PRKAB2: variants seen among roughly 807,000 people sequenced by gnomAD.
The protein encoded by PRKAB2 is protein kinase AMP-activated non-catalytic subunit beta 2, also known as 5'-AMP-activated protein kinase subunit beta-2.
Under a neutral mutation model 29.8 loss-of-function variants are expected in PRKAB2, and 18 were observed. The ratio of observed to expected loss-of-function variants is 0.60; its 90% CI spans 0.42 to 0.89. The LOEUF is 0.89. Ranked by LOEUF, PRKAB2 falls within the 40% of genes least tolerant of loss-of-function variation. The probability of loss-of-function intolerance (pLI) is 0.00; values close to 1 mark genes in which losing one functional copy is unlikely to be tolerated. For synonymous variants in PRKAB2, 136 were observed against 125.9 expected, an observed-to-expected ratio of 1.08 and a Z score of -0.54; for missense variants, 270 against 344.3, an observed-to-expected ratio of 0.78 and a Z score of 1.71.
At chr1:147,169,176 TG>T (rs1359178954) in intron 2 of PRKAB2, among the ~76,000 whole-genome samples, 1 of 151,976 alleles carries the variant, frequency 6.6e-6, no homozygotes, top group Non-Finnish European at 1.5e-5. Context: ...AATTGAATAA[TG>T]TGGGTTTTTT....
In PRKAB2 at chr1:147,159,757, A is replaced by G. The variant is rs1454549047; in HGVS notation, c.742-115T>C. 12 of 895,700 alleles carry G rather than the reference A, an allele frequency of 1.3e-5. No homozygotes were observed. In the Admixed American group the frequency reaches 2.8e-4, roughly 21 times the overall value. The allele number at this position is 895,700 out of a possible 1,614,324, so 55.5% of individuals were successfully genotyped here. ...TTTAACAGAGATAGTTTGATATAAG[A>G]GCAGGAGGTCAAATAAGTTTTAGTT... On this transcript the variant is annotated intron_variant, in intron 7 of 7. Coordinates refer to ENST00000254101, the MANE Select transcript of PRKAB2 (RefSeq NM_005399.5).
chr1:147,170,682 C>A (rs1212032111), intron 2 of PRKAB2, among the ~76,000 whole-genome samples: 1 of 152,040 alleles, frequency 6.6e-6, no homozygotes, highest in Non-Finnish European at 1.5e-5. Flanking sequence ...CGGGTTCAAG[C>A]GATTCTCCTG....
At chr1:147,163,682 G>A (rs587649082) in intron 5 of PRKAB2, among the ~76,000 whole-genome samples, 16 of 152,270 alleles carry the variant, frequency 1.1e-4, no homozygotes, top group African/African-American at 3.4e-4. Context: ...TGCCAGGGAC[G>A]GAGGGGAGGA....
At chr1:147,171,103 C>T (rs1348539014) in intron 2 of PRKAB2, among the ~76,000 whole-genome samples, 1 of 152,244 alleles carries the variant, frequency 6.6e-6, no homozygotes, top group East Asian at 1.9e-4. Context: ...GTATTTCATG[C>T]TGACAGCTCT....
Position 147,155,131 on chromosome 1 carries a change from A to C in PRKAB2, c.*4434T>G, listed in dbSNP as rs1383490849. On this transcript the variant is annotated 3_prime_UTR_variant, in exon 8 of 8. Coordinates refer to ENST00000254101, the MANE Select transcript of PRKAB2 (RefSeq NM_005399.5). ...TTATTGCTGTATAATACTTTTATTA[A>C]AGTTTTATGGAAAAAACCCACAACA... The C allele has an allele frequency of 6.6e-6, 1 of 152,348 alleles. No homozygotes were observed. Among genetic ancestry groups the C allele is most frequent in the Non-Finnish European group, 1.5e-5 (1 of 68,022 alleles). 9.4% of individuals were successfully genotyped at this position (152,348 alleles called of 1,614,324 possible). A position where few individuals can be genotyped will look rare whatever the true frequency, so the allele number is the denominator to read the frequency against.
At chr1:147,171,418 G>A (rs1654572333) in intron 2 of PRKAB2, among the ~76,000 whole-genome samples, 1 of 152,174 alleles carries the variant, frequency 6.6e-6, no homozygotes, top group South Asian at 2.1e-4. Flanking sequence ...ACTAAATGAT[G>A]TCCTTAATTG....
chr1:147,166,263 T>C (rs1415026192), intron 5 of PRKAB2, among the ~76,000 whole-genome samples: 1 of 152,140 alleles, frequency 6.6e-6, no homozygotes, highest in Non-Finnish European at 1.5e-5. Context: ...ATAGAGTGTA[T>C]CCCATGTAAT....
chr1:147,162,650 G>T, intron 5 of PRKAB2, 77 bp from the exon 6 acceptor site: 1 of 1,380,392 alleles, frequency 7.2e-7, no homozygotes, highest in Non-Finnish European at 9.9e-7. Flanking sequence ...TCAATACATG[G>T]CAGCTAACAT....
In PRKAB2 at chr1:147,172,026, G is replaced by C. The variant is rs782482886; in HGVS notation, c.119C>G (p.Thr40Arg). 1.9e-6 allele frequency: 3 copies of C among 1,597,266 alleles called. No individual in the cohort carries two copies. Among genetic ancestry groups the C allele is most frequent in the South Asian group, 2.3e-5 (2 of 87,486 alleles). The change falls in exon 2 of 8, where the codon ACG becomes AGG. Residue 40 changes from threonine to arginine, a missense_variant. Physicochemically the swap from Thr to Arg is moderately conservative, Grantham distance 71 (BLOSUM62 -1). This residue lies in a region of PRKAB2 where 228 missense variants were observed against 255.5 expected (regional missense o/e 0.89). Transcript: ENST00000254101. ...GAGGCTGAACACGCTGGGGTCGTCC[G>C]TACTCCCCACCATGATCTTGTGCTC... The part of the protein sequence containing the change: ...GKEHKIMVGS[T>R]DDPSVFSLPD...
chr1:147,162,639 A>G, intron 5 of PRKAB2, 66 bp from the exon 6 acceptor site: 1 of 1,462,870 alleles, frequency 6.8e-7, no homozygotes, highest in Non-Finnish European at 9.4e-7. Flanking sequence ...GGAAAAAGCT[A>G]TCAATACATG....
At chr1:147,168,123 G>A (rs1003183717) in intron 2 of PRKAB2, among the ~76,000 whole-genome samples, 190 bp from the exon 3 acceptor site, 6 of 152,104 alleles carry the variant, frequency 3.9e-5, no homozygotes, top group Admixed American at 3.9e-4. Context: ...ATGGTCAAAT[G>A]GCCTATGCTC....
At chr1:147,164,391 C>T (rs1323927003) in intron 5 of PRKAB2, among the ~76,000 whole-genome samples, 10 of 152,060 alleles carry the variant, frequency 6.6e-5, no homozygotes, top group African/African-American at 1.4e-4. Flanking sequence ...TGCCCTGACT[C>T]GATCATTACA....
At chr1:147,163,852 T>A (rs758696672) in intron 5 of PRKAB2, among the ~76,000 whole-genome samples, 4 of 151,930 alleles carry the variant, frequency 2.6e-5, no homozygotes, top group Non-Finnish European at 4.4e-5. Context: ...AAATTACATC[T>A]CAAAAAAATG....
At position 147,171,997 on chromosome 1, in the gene PRKAB2, C is replaced by T. The variant is rs1553914467; in HGVS notation, c.148G>A (p.Asp50Asn). ...GGGCATGGGACGCTTACCTTGGAGT[C>T]AGGGAGGCTGAACACGCTGGGGTCG... ...TDDPSVFSLP[D>N]SKLPGDKEFV... Residue 50 changes from aspartate to asparagine, a missense_variant, in exon 2 of 8, where the codon GAC (aspartate) becomes AAC (asparagine). Coordinates refer to ENST00000254101, the MANE Select transcript of PRKAB2 (RefSeq NM_005399.5). The T allele has an allele frequency of 2.5e-6, 4 of 1,601,396 alleles. No homozygotes were observed. In the South Asian group the frequency reaches 3.4e-5, roughly 14 times the overall value.
chr1:147,162,566 G>A lies in PRKAB2; in HGVS notation c.546C>T (p.Ser182=). ...ESSETSCRDL[S]SSPPGPYGQE... The stretch of plus-strand genomic sequence containing the variant: ...GACCATAAGGCCCTGGGGGTGAGCT[G>A]GAAAGGTCTGAAAGATATTTATACA... Residue 182 remains serine, a synonymous_variant, in exon 6 of 8, where the codon TCC becomes TCT. Coordinates refer to ENST00000254101, the MANE Select transcript of PRKAB2 (RefSeq NM_005399.5). The A allele has an allele frequency of 1.2e-6, 2 of 1,606,278 alleles. No homozygotes were observed. Among genetic ancestry groups the A allele is most frequent in the Non-Finnish European group, 1.7e-6 (2 of 1,176,726 alleles).
intron 2 of PRKAB2, among the ~76,000 whole-genome samples, chr1:147,169,606 A>G (rs377535081): frequency 2.0e-5 from 3 of 152,192 alleles, no homozygotes; most frequent in African/African-American, 7.2e-5. Flanking sequence ...TTAGAGGTAC[A>G]TCCTAAAATG....
intron 2 of PRKAB2, among the ~76,000 whole-genome samples, chr1:147,169,997 G>A (rs1553914147): frequency 6.6e-6 from 1 of 152,134 alleles, no homozygotes; most frequent in African/African-American, 2.4e-5. Flanking sequence ...CCTAGCTTTG[G>A]AGGAAAGCCC....
At chr1:147,172,222 G>GC (rs1654684123) in intron 1 of PRKAB2, 55 bp from the exon 2 acceptor site, 3 of 1,447,518 alleles carry the variant, frequency 2.1e-6, no homozygotes, top group Non-Finnish European at 2.7e-6. Flanking sequence ...CGTCAGGGGC[G>GC]CCCCCCGGCC....
In PRKAB2 at chr1:147,167,868, C is replaced by T. The variant is rs1654328633; in HGVS notation, c.222G>A (p.Gln74=). The stretch of plus-strand genomic sequence containing the variant: ...AGCGGATAACAGTGGGCCGGGCCTG[C>T]TGTGTGGGCTTTACGGAGTCCTCCA... ...QDLEDSVKPT[Q]QARPTVIRWS... The change falls in exon 3 of 8, where the codon CAG becomes CAA. Residue 74 remains glutamine, a synonymous_variant. Coordinates refer to ENST00000254101, the MANE Select transcript of PRKAB2 (RefSeq NM_005399.5). 2 of 1,614,002 alleles carry T rather than the reference C, an allele frequency of 1.2e-6. No individual in the cohort carries two copies. The highest frequency in any genetic ancestry group is 1.1e-5 in the South Asian group (1 of 91,078).
Sources: gnomAD v4.1 joint callset for allele counts (sites outside exome capture counted in the v4.1 genomes callset) on GRCh38, gnomAD v4.1.1 for gene constraint, gnomAD v4.1.1 regional missense constraint, MANE v1.5 for transcripts, NCBI Gene and HGNC (gene_info 2026-07-23, HGNC 2026-07-21) for gene names.